ZNF487: variants seen among roughly 807,000 people sequenced by gnomAD.
ZNF487 encodes KRAB domain only 1.
In ZNF487, 4 loss-of-function variants were observed where a neutral mutation model predicts 3.0. The observed-to-expected ratio is 1.35, with a 90% confidence interval of 0.66 to 3.08. The LOEUF (loss-of-function observed/expected upper bound fraction) is 3.08, where lower values mean the gene tolerates loss of function less well. Ranked by LOEUF, ZNF487 falls within the 30% of genes most tolerant of loss-of-function variation. ZNF487 has a pLI of 0.01. For missense variants in ZNF487, 146 were observed against 98.7 expected, an observed-to-expected ratio of 1.48 and a Z score of -2.03; for synonymous variants, 55 against 34.6, an observed-to-expected ratio of 1.59 and a Z score of -2.06.
intron 1 of ZNF487, among the ~76,000 whole-genome samples, chr10:43,457,358 C>A (rs972749980): frequency 1.3e-5 from 2 of 151,612 alleles, no homozygotes; most frequent in African/African-American, 4.8e-5. Context: ...GAGTTCGAGA[C>A]CAGCCTGGCC....
the ZNF487 span, among the ~76,000 whole-genome samples, chr10:43,504,726 T>TTG: frequency 2.0e-5 from 3 of 151,742 alleles, no homozygotes; most frequent in South Asian, 2.1e-4. Context: ...TGTTGTTGTT[T>TTG]TTTTTTTGGA....
rs924452439 is a variant in ZNF487, at chr10:43,444,714, G to A, written c.-94+7452G>A. On this transcript the variant is annotated intron_variant, in intron 1 of 3. Transcript: ENST00000437590. ...ATCCCAAGTGGCTGGGACCACAGGCGCACACCACTCCAGGCTAATTTTTTT... is the reference window on the plus strand; with the variant it reads ...ATCCCAAGTGGCTGGGACCACAGGCACACACCACTCCAGGCTAATTTTTTT... Among the ~76,000 whole-genome samples the A allele has an allele frequency of 2.6e-5, 4 of 152,110 alleles. No individual in the cohort carries two copies. In the South Asian group the frequency reaches 6.2e-4, roughly 24 times the overall value.
At chr10:43,464,890 C>T (rs943876685) in intron 1 of ZNF487, among the ~76,000 whole-genome samples, 1 of 152,206 alleles carries the variant, frequency 6.6e-6, no homozygotes, top group Non-Finnish European at 1.5e-5. Flanking sequence ...TTGGGTACAC[C>T]TCCCAGACGG....
the ZNF487 span, among the ~76,000 whole-genome samples, chr10:43,488,237 A>C: frequency 2.0e-5 from 3 of 152,224 alleles, no homozygotes; most frequent in African/African-American, 7.2e-5. Context: ...AAATATCAAA[A>C]TCCAAATTAT....
At chr10:43,446,787 C>T (rs1228842457) in intron 1 of ZNF487, among the ~76,000 whole-genome samples, 4 of 152,032 alleles carry the variant, frequency 2.6e-5, no homozygotes, top group Admixed American at 1.3e-4. Context: ...CTTCCTAGAC[C>T]GGGTGGCGGC....
chr10:43,517,242 C>T, the ZNF487 span, among the ~76,000 whole-genome samples: 1 of 152,218 alleles, frequency 6.6e-6, no homozygotes, highest in East Asian at 1.9e-4. Context: ...ATCCCTGACA[C>T]CATCAAGAAA....
intron 1 of ZNF487, among the ~76,000 whole-genome samples, chr10:43,441,423 G>A (rs867062071): frequency 2.0e-5 from 3 of 151,888 alleles, no homozygotes; most frequent in Non-Finnish European, 2.9e-5. Flanking sequence ...CTGCCACCGG[G>A]CCCGGCTAAT....
At chr10:43,466,103 A>G (rs1325717935) in intron 1 of ZNF487, among the ~76,000 whole-genome samples, 3 of 151,610 alleles carry the variant, frequency 2.0e-5, no homozygotes, top group Non-Finnish European at 4.4e-5. Context: ...CAGGAGAATC[A>G]GGCAGGGAGG....
chr10:43,520,396 T>C, the ZNF487 span, among the ~76,000 whole-genome samples: 3 of 152,214 alleles, frequency 2.0e-5, no homozygotes, highest in Non-Finnish European at 4.4e-5. Flanking sequence ...AGCTTGATTA[T>C]TGGGTGTAAA....
At chr10:43,475,527 AATT>A (rs1028119905) in intron 1 of ZNF487, among the ~76,000 whole-genome samples, 191 bp from the exon 2 acceptor site, 1 of 152,070 alleles carries the variant, frequency 6.6e-6, no homozygotes, top group African/African-American at 2.4e-5. Flanking sequence ...AAAAAAAAAA[AATT>A]AATATACCGG....
chr10:43,453,917 T>C (rs1313348458), intron 1 of ZNF487: 1 of 152,150 alleles, frequency 6.6e-6, no homozygotes, highest in Non-Finnish European at 1.5e-5. Context: ...GCTCTCATGT[T>C]TTATGGGAAT....
intron 1 of ZNF487, among the ~76,000 whole-genome samples, chr10:43,466,271 T>C (rs1460982052): frequency 6.6e-6 from 1 of 152,098 alleles, no homozygotes; most frequent in African/African-American, 2.4e-5. Context: ...CTCCAACTCC[T>C]GATCTCAGGT....
At chr10:43,439,262 T>C (rs544621999) in intron 1 of ZNF487, among the ~76,000 whole-genome samples, 14 of 151,538 alleles carry the variant, frequency 9.2e-5, no homozygotes, top group African/African-American at 3.4e-4. Flanking sequence ...CAGCTGGGCA[T>C]TGTGGCATGT....
chr10:43,453,795 T>G (rs533117528), intron 1 of ZNF487: 1 of 152,306 alleles, frequency 6.6e-6, no homozygotes, highest in East Asian at 1.9e-4. Context: ...TAATATACTG[T>G]GTACCTGAAA....
the ZNF487 span, among the ~76,000 whole-genome samples, chr10:43,496,841 A>T: frequency 6.6e-6 from 1 of 151,984 alleles, no homozygotes; most frequent in African/African-American, 2.4e-5. Flanking sequence ...TCTTTTTTTA[A>T]GACTTTTATT....
At chr10:43,440,057 T>A (rs1419423882) in intron 1 of ZNF487, among the ~76,000 whole-genome samples, 11 of 150,250 alleles carry the variant, frequency 7.3e-5, no homozygotes, top group African/African-American at 2.2e-4. Context: ...TATATATATT[T>A]TTTTTTTTGA....
intron 1 of ZNF487, among the ~76,000 whole-genome samples, chr10:43,456,040 G>C (rs1217483351): frequency 6.6e-6 from 1 of 152,220 alleles, no homozygotes; most frequent in Non-Finnish European, 1.5e-5. Flanking sequence ...GTATAATGCA[G>C]GCTCTGTTTT....
intron 1 of ZNF487, among the ~76,000 whole-genome samples, chr10:43,450,289 C>T (rs964849270): frequency 5.3e-5 from 8 of 152,096 alleles, no homozygotes; most frequent in Admixed American, 5.2e-4. Flanking sequence ...CTCAGGTGAT[C>T]CATCCGACTT....
At chr10:43,437,010 G>C (rs1839408830), upstream of ZNF487, 1 of 386,356 alleles carries the variant, frequency 2.6e-6, no homozygotes, top group Non-Finnish European at 5.5e-6. Context: ...CCGAGCCCCC[G>C]CTAGGCACGC....
Sources: allele counts gnomAD v4.1 joint callset (sites outside exome capture counted in the v4.1 genomes callset), GRCh38; gene constraint gnomAD v4.1.1; transcripts MANE v1.5; gene names NCBI Gene and HGNC (gene_info 2026-07-23, HGNC 2026-07-21).